NRAP: variants seen among roughly 807,000 people sequenced by gnomAD.
NRAP encodes the protein nebulin related anchoring protein.
NRAP carries 189 observed loss-of-function variants against 225.9 expected under a neutral mutation model. The observed-to-expected ratio is 0.84, with a 90% CI of 0.74 to 0.94. The LOEUF (loss-of-function observed/expected upper bound fraction) is 0.94. Among genes scored for constraint, NRAP ranks in the 40% least tolerant of loss-of-function variants. The pLI, the probability that NRAP is intolerant of heterozygous loss-of-function variation, is 0.00. For synonymous variants in NRAP, 769 were observed against 790.7 expected, an observed-to-expected ratio of 0.97 and a Z score of 0.46; for missense variants, 2,176 against 2,168.7, an observed-to-expected ratio of 1.00 and a Z score of -0.07.
chr10:113,622,937 G>A (rs1023294580), intron 23 of NRAP, among the ~76,000 whole-genome samples: 2 of 152,252 alleles, frequency 1.3e-5, no homozygotes, highest in South Asian at 4.2e-4. Context: ...AGACTTTCTC[G>A]ATAAAGGAAG....
At position 113,622,234 on chromosome 10, in the gene NRAP, A is replaced by G. The variant is rs1848040786; in HGVS notation, c.2458-54T>C. ...ATTAGAACCTCCTAAAGGAATTGTT[A>G]GGCTTCAGACTCCATGCATGGGAGC... On this transcript the variant is annotated intron_variant, in intron 23 of 41. Transcript: ENST00000359988. The G allele has an allele frequency of 3.2e-6, 4 of 1,253,702 alleles. No homozygotes were observed. The South Asian group carries it at 5.2e-5, about 16-fold the overall frequency. 77.7% of individuals were successfully genotyped at this position (1,253,702 alleles called of 1,614,324 possible). A position where few individuals can be genotyped will look rare whatever the true frequency, so the allele number is the denominator to read the frequency against.
Position 113,598,701 on chromosome 10 carries a change from G to A in NRAP, c.4228-628C>T, listed in dbSNP as rs375129963. Among the ~76,000 whole-genome samples, 6 of 152,234 alleles carry A rather than the reference G, an allele frequency of 3.9e-5. No individual in the cohort carries two copies. In the South Asian group the frequency reaches 6.2e-4, roughly 16 times the overall value. On this transcript the variant is annotated intron_variant, in intron 35 of 41. Coordinates refer to ENST00000359988, the MANE Select transcript of NRAP (RefSeq NM_198060.4). Reference sequence around the variant, plus strand: ...TCAATTATAGCATGACTTTAAAAACGGAAACAAATTTGGATGCCACCAGCT... The same window carrying A: ...TCAATTATAGCATGACTTTAAAAACAGAAACAAATTTGGATGCCACCAGCT...
At chr10:113,646,650 C>A (rs1849527813) in intron 10 of NRAP, among the ~76,000 whole-genome samples, 1 of 152,214 alleles carries the variant, frequency 6.6e-6, no homozygotes, top group African/African-American at 2.4e-5. Flanking sequence ...GGCCATTTGG[C>A]AAAACTCTCC....
chr10:113,656,060 T>C (rs565438418), intron 4 of NRAP, among the ~76,000 whole-genome samples: 6 of 147,030 alleles, frequency 4.1e-5, no homozygotes, highest in African/African-American at 1.3e-4. Flanking sequence ...TATACCCGCC[T>C]CCCTTTCGGA....
intron 6 of NRAP, 62 bp from the exon 7 acceptor site, chr10:113,651,969 C>G: frequency 9.9e-7 from 1 of 1,007,894 alleles, no homozygotes; most frequent in Non-Finnish European, 1.6e-6. Flanking sequence ...GTGACCTCTC[C>G]CTGTGGCTCT....
intron 25 of NRAP, among the ~76,000 whole-genome samples, chr10:113,620,229 A>G (rs947744595): frequency 3.3e-5 from 5 of 152,198 alleles, no homozygotes; most frequent in Non-Finnish European, 7.4e-5. Flanking sequence ...TTGACTCTGT[A>G]GCAGAAAGGG....
chr10:113,597,963 TG>T lies in NRAP; in HGVS notation c.4332+5del. ...GTCACTTGTGGTGGGGACAGGTTGA[TG>T]GTACCTCGCTGATGAGTTCTCCAGC... On this transcript the variant is annotated splice_donor_5th_base_variant and intron_variant, in intron 36 of 41. Coordinates refer to ENST00000359988, the MANE Select transcript of NRAP (RefSeq NM_198060.4). 1 of 1,594,950 alleles carries T rather than the reference TG, an allele frequency of 6.3e-7. No individual in the cohort carries two copies. Among genetic ancestry groups the T allele is most frequent in the Non-Finnish European group, 8.6e-7 (1 of 1,162,622 alleles).
chr10:113,590,071 C>G (rs1261236887), intron 40 of NRAP, among the ~76,000 whole-genome samples: 1 of 152,018 alleles, frequency 6.6e-6, no homozygotes, highest in East Asian at 1.9e-4. Context: ...GTAGTGACAC[C>G]TGCTCCACAC....
intron 21 of NRAP, among the ~76,000 whole-genome samples, chr10:113,625,474 C>T (rs1413387282): frequency 1.3e-5 from 2 of 152,208 alleles, no homozygotes; most frequent in Non-Finnish European, 2.9e-5. Context: ...CTGACAGTGG[C>T]TTTCTGCTGA....
intron 27 of NRAP, 147 bp from the exon 28 acceptor site, chr10:113,615,093 A>C: frequency 1.3e-5 from 6 of 477,158 alleles, no homozygotes; most frequent in Non-Finnish European, 2.0e-5. Context: ...GCTTAGCTAA[A>C]CCCACGTGAG....
chr10:113,626,171 C>G lies in NRAP; in HGVS notation c.2146-26G>C, dbSNP rs201482819. 1.2e-5 allele frequency: 18 copies of G among 1,537,384 alleles called. No homozygotes were observed. In the East Asian group the frequency reaches 1.2e-4, roughly 10 times the overall value. On this transcript the variant is annotated intron_variant, in intron 20 of 41. Coordinates refer to ENST00000359988, the MANE Select transcript of NRAP (RefSeq NM_198060.4). ...CTGTTTCCAAAGGAAAGGGACCCCA[C>G]AGCATTAGGATTGGGTTGCCCCTAC...
intron 41 of NRAP, 77 bp from the exon 42 acceptor site, chr10:113,589,156 C>T (rs1045577534): frequency 1.6e-5 from 19 of 1,173,072 alleles, no homozygotes; most frequent in African/African-American, 7.6e-5. Flanking sequence ...CCACAGGACA[C>T]GCTAAGAAGC....
chr10:113,616,871 C>T (rs553322052), intron 26 of NRAP, among the ~76,000 whole-genome samples: 1 of 152,228 alleles, frequency 6.6e-6, no homozygotes, highest in East Asian at 1.9e-4. Context: ...AGCACCTCAT[C>T]GTTCACTTTA....
At chr10:113,595,856 C>T (rs1846260689) in intron 37 of NRAP, 129 bp from the exon 38 acceptor site, 1 of 560,576 alleles carries the variant, frequency 1.8e-6, no homozygotes, top group South Asian at 2.8e-5. Flanking sequence ...CCCAGTCCTG[C>T]CCATGGACAG....
Position 113,614,930 on chromosome 10 carries a change from G to A in NRAP, c.3095C>T (p.Ser1032Phe), listed in dbSNP as rs576769702. Residue 1032 changes from serine (S) to phenylalanine (F), a missense_variant, in exon 28 of 42, where the codon TCC becomes TTC. Ser to Phe is a radical substitution (Grantham distance 155, BLOSUM62 -2). Coordinates refer to ENST00000359988, the MANE Select transcript of NRAP (RefSeq NM_198060.4). The stretch of plus-strand genomic sequence containing the variant: ...GCCACCATCTCGAAGTTTGCTCCAG[G>A]ATTCCTTATAACGCGTCTGTCGGGA... ...MNISETRYKE[S>F]WSKLRDGGYK... 5 of 1,606,852 alleles carry A rather than the reference G, an allele frequency of 3.1e-6. No homozygotes were observed. The African/African-American group carries it at 6.7e-5, about 21-fold the overall frequency.
At chr10:113,642,576 A>T (rs1485024163) in intron 12 of NRAP, among the ~76,000 whole-genome samples, 1 of 152,188 alleles carries the variant, frequency 6.6e-6, no homozygotes, top group Non-Finnish European at 1.5e-5. Context: ...AAATGAGGTC[A>T]TATTAACTCA....
At chr10:113,634,973 G>A (rs1382987067) in intron 14 of NRAP, among the ~76,000 whole-genome samples, 1 of 152,104 alleles carries the variant, frequency 6.6e-6, no homozygotes, top group African/African-American at 2.4e-5. Flanking sequence ...CCTTGCCAGA[G>A]TCCCCAAGGA....
intron 35 of NRAP, among the ~76,000 whole-genome samples, chr10:113,602,251 G>T (rs182164028): frequency 1.3e-5 from 2 of 152,338 alleles, no homozygotes; most frequent in East Asian, 3.9e-4. Context: ...CAGTGACAGA[G>T]CTGGGCTTCC....
chr10:113,616,136 A>C (rs1847649364), intron 26 of NRAP, among the ~76,000 whole-genome samples: 1 of 152,194 alleles, frequency 6.6e-6, no homozygotes, highest in Admixed American at 6.5e-5. Context: ...GTGATTAACT[A>C]TCAGCTATGA....
Sources: allele counts gnomAD v4.1 joint callset (sites outside exome capture counted in the v4.1 genomes callset), GRCh38; gene constraint gnomAD v4.1.1; transcripts MANE v1.5; gene names NCBI Gene and HGNC (gene_info 2026-07-23, HGNC 2026-07-21).